Variants in ANO6 observed in about 807,000 individuals in gnomAD.
ANO6 encodes the protein anoctamin-6.
A neutral mutation model predicts 117.5 loss-of-function variants in ANO6; 106 were observed. The ratio of observed to expected loss-of-function variants is 0.90; its 90% confidence interval spans 0.77 to 1.06. The LOEUF (loss-of-function observed/expected upper bound fraction) is 1.06. ANO6 is among the 50% of genes least tolerant of loss of function. The pLI is 0.00. For synonymous variants in ANO6, 367 were observed against 385.1 expected (o/e 0.95, Z 0.55); for missense variants, 955 against 1,121.1 (o/e 0.85, Z 2.12).
chr12:45,375,177 A>G (rs1941970534), intron 9 of ANO6, among the ~76,000 whole-genome samples: 1 of 152,212 alleles, frequency 6.6e-6, no homozygotes, highest in Admixed American at 6.5e-5. Flanking sequence ...AGGAAGAACT[A>G]CAAACCACTG....
chr12:45,255,411 G>A (rs1212865373), intron 1 of ANO6, among the ~76,000 whole-genome samples: 1 of 152,156 alleles, frequency 6.6e-6, no homozygotes, highest in Non-Finnish European at 1.5e-5. Flanking sequence ...GCTGAGGCAG[G>A]AGAATTGCTT....
At chr12:45,371,890 G>T (rs1192685409) in intron 9 of ANO6, among the ~76,000 whole-genome samples, 9 of 150,028 alleles carry the variant, frequency 6.0e-5, no homozygotes, top group East Asian at 4.1e-4. Context: ...AGAGAAGAAG[G>T]CTTCAGACGA....
intron 19 of ANO6, among the ~76,000 whole-genome samples, chr12:45,438,581 C>T (rs987257490): frequency 2.6e-5 from 4 of 152,164 alleles, no homozygotes; most frequent in Non-Finnish European, 5.9e-5. Context: ...CTATGTGTAT[C>T]AGCTGTATGT....
rs187910702 is a variant in ANO6, at chr12:45,333,589, G to A, written c.279+2166G>A. 6.2e-3 allele frequency among the ~76,000 whole-genome samples: 937 copies of A among 151,944 alleles called. 5 individuals are homozygous for A. The highest frequency in any genetic ancestry group is 0.02 in the African/African-American group (846 of 41,472). On this transcript the variant is annotated intron_variant, in intron 3 of 19. Coordinates refer to ENST00000320560, the MANE Select transcript of ANO6 (RefSeq NM_001025356.3). ...GTCCCAAGGTAACTCTCATAAATAA[G>A]GAGGAAAAAAATCATCATTAATTTT...
At position 45,348,136 on chromosome 12, in the gene ANO6, A is replaced by C. The variant is rs772753019; in HGVS notation, c.454A>C (p.Lys152Gln). Reference sequence around the variant, plus strand: ...ATTGCCTCTGAAACCCAATGATCTGAAAAACCGGTCCTCAGCCTTTGGTAC... The same window carrying C: ...ATTGCCTCTGAAACCCAATGATCTGCAAAACCGGTCCTCAGCCTTTGGTAC... Reference protein sequence around the residue: ...IKLPLKPNDLKNRSSAFGTLN... With the variant: ...IKLPLKPNDLQNRSSAFGTLN... Residue 152 changes from lysine (K) to glutamine (Q), a missense_variant, in exon 5 of 20, where the codon AAA (lysine) becomes CAA (glutamine). Coordinates refer to ENST00000320560, the MANE Select transcript of ANO6 (RefSeq NM_001025356.3). 6.2e-7 allele frequency: 1 copy of C among 1,614,124 alleles called. No homozygotes were observed. Among genetic ancestry groups the C allele is most frequent in the South Asian group, 1.1e-5 (1 of 91,080 alleles).
chr12:45,237,857 C>A (rs1041551366), intron 1 of ANO6, among the ~76,000 whole-genome samples: 1 of 152,218 alleles, frequency 6.6e-6, no homozygotes, highest in Non-Finnish European at 1.5e-5. Flanking sequence ...TACCCATGAG[C>A]ATGGAATGTT....
chr12:45,252,010 C>A (rs1381513065), intron 1 of ANO6, among the ~76,000 whole-genome samples: 1 of 152,176 alleles, frequency 6.6e-6, no homozygotes, highest in African/African-American at 2.4e-5. Flanking sequence ...GCCCCTCAAT[C>A]ACTTCTTAGG....
intron 3 of ANO6, among the ~76,000 whole-genome samples, chr12:45,339,331 T>G (rs1246170713): frequency 2.0e-5 from 3 of 152,120 alleles, no homozygotes; most frequent in Non-Finnish European, 4.4e-5. Flanking sequence ...CTCTCCAAAG[T>G]TGTTCCTTTA....
At chr12:45,330,361 A>G (rs1940622400) in intron 2 of ANO6, among the ~76,000 whole-genome samples, 1 of 152,170 alleles carries the variant, frequency 6.6e-6, no homozygotes, top group Non-Finnish European at 1.5e-5. Flanking sequence ...CATTTAATGA[A>G]CACAATGTAC....
At chr12:45,397,001 A>G (rs1036118895) in intron 12 of ANO6, among the ~76,000 whole-genome samples, 1 of 152,344 alleles carries the variant, frequency 6.6e-6, no homozygotes, top group East Asian at 1.9e-4. Context: ...AATGGGATCT[A>G]ATTAAACTAA....
At position 45,348,267 on chromosome 12, in the gene ANO6, C is replaced by A. The variant is rs781669168; in HGVS notation, c.585C>A (p.Tyr195Ter). The change falls in exon 5 of 20, where the codon TAC (tyrosine) becomes TAA (stop). Residue 195 changes from tyrosine (Y) to a stop codon, truncating the protein, a stop_gained. Transcript: ENST00000320560. LOFTEE classifies it high-confidence loss of function. Reference sequence around the variant, plus strand: ...AGAAGAACCGGATGAATGATTTTTACATAGTTGATAGAGATGCTTTCTTCA... The same window carrying A: ...AGAAGAACCGGATGAATGATTTTTAAATAGTTGATAGAGATGCTTTCTTCA... ...PFEKNRMNDF[Y>*]IVDRDAFFNP... 2 of 1,614,054 alleles carry A rather than the reference C, an allele frequency of 1.2e-6. No homozygotes were observed. Among genetic ancestry groups the A allele is most frequent in the Non-Finnish European group, 1.7e-6 (2 of 1,179,976 alleles).
At chr12:45,228,698 A>G (rs1396094262) in intron 1 of ANO6, among the ~76,000 whole-genome samples, 2 of 152,090 alleles carry the variant, frequency 1.3e-5, no homozygotes, top group Non-Finnish European at 1.5e-5. Context: ...GGAGGGCAGT[A>G]TTTGGTGGAG....
intron 9 of ANO6, among the ~76,000 whole-genome samples, chr12:45,377,378 A>G (rs1402369049): frequency 6.6e-6 from 1 of 152,228 alleles, no homozygotes; most frequent in Non-Finnish European, 1.5e-5. Context: ...TAGCAGAACT[A>G]GTAAATAAAG....
chr12:45,317,828 A>G (rs1940104258), intron 2 of ANO6, among the ~76,000 whole-genome samples: 1 of 152,176 alleles, frequency 6.6e-6, no homozygotes, highest in Non-Finnish European at 1.5e-5. Context: ...CTGGTGTGAG[A>G]TGATACCTCA....
chr12:45,387,415 G>A (rs1340612137), intron 10 of ANO6, among the ~76,000 whole-genome samples: 1 of 152,164 alleles, frequency 6.6e-6, no homozygotes, highest in African/African-American at 2.4e-5. Flanking sequence ...AGGAAGGAAA[G>A]GAGAGTACAA....
rs1454434980 is a variant in ANO6, at chr12:45,429,467, T to G, written c.*156T>G. The G allele has an allele frequency of 6.9e-7, 1 of 1,459,742 alleles. No individual in the cohort carries two copies. Among genetic ancestry groups the G allele is most frequent in the Non-Finnish European group, 9.0e-7 (1 of 1,112,406 alleles). The allele number at this position is 1,459,742 out of a possible 1,614,324, so 90.4% of individuals were successfully genotyped here. On this transcript the variant is annotated 3_prime_UTR_variant, in exon 20 of 20. Transcript: ENST00000320560. ...ATTATTTTTCAGTTTCAGCTAGCGA[T>G]GCAGAAACTGGAAAATGTAAAACTT...
intron 10 of ANO6, among the ~76,000 whole-genome samples, chr12:45,382,017 C>T (rs1308843268): frequency 1.3e-5 from 2 of 151,712 alleles, no homozygotes; most frequent in Admixed American, 6.6e-5. Context: ...AAGCCAATTA[C>T]CTAAAGCCCC....
intron 1 of ANO6, among the ~76,000 whole-genome samples, chr12:45,254,381 A>C (rs561844225): frequency 6.6e-6 from 1 of 152,154 alleles, no homozygotes; most frequent in Non-Finnish European, 1.5e-5. Flanking sequence ...GTGGATCATC[A>C]TTGCCTGGGG....
chr12:45,407,100 A>G lies in ANO6; in HGVS notation c.1881-2257A>G, dbSNP rs569317287. Among the ~76,000 whole-genome samples, 31 of 152,320 alleles carry G rather than the reference A, an allele frequency of 2.0e-4. 1 individual carries two copies. In the South Asian group the frequency reaches 5.6e-3, roughly 28 times the overall value. On this transcript the variant is annotated intron_variant, in intron 15 of 19. Coordinates refer to ENST00000320560, the MANE Select transcript of ANO6 (RefSeq NM_001025356.3). ...AAGTCAAGATTGAGCTCCCTGCACT[A>G]GAAACACAGACCAATAGAAAACCCA...
Sources: allele counts gnomAD v4.1 joint callset (sites outside exome capture counted in the v4.1 genomes callset), GRCh38; gene constraint gnomAD v4.1.1; transcripts MANE v1.5; gene names NCBI Gene and HGNC (gene_info 2026-07-23, HGNC 2026-07-21).